The following FMN1 variants were observed in gnomAD, a reference collection of about 807,000 sequenced individuals.
The protein encoded by FMN1 is formin-1.
FMN1 carries 110 observed loss-of-function variants against 132.4 expected under a neutral mutation model. That is an observed-to-expected ratio of 0.83 (90% CI 0.71 to 0.97). The LOEUF is 0.97. FMN1 is among the 50% of genes least tolerant of loss of function. FMN1 has a pLI of 0.00. For missense variants in FMN1, 1,792 were observed against 1,705.3 expected, an observed-to-expected ratio of 1.05 and a Z score of -0.90; for synonymous variants, 722 against 651.7, an observed-to-expected ratio of 1.11 and a Z score of -1.64.
intron 3 of FMN1, among the ~76,000 whole-genome samples, chr15:33,158,385 T>G (rs540887400): frequency 4.0e-5 from 6 of 151,876 alleles, no homozygotes; most frequent in Non-Finnish European, 7.4e-5. Context: ...ATTATAACAT[T>G]GGATTTTATA....
At chr15:33,180,539 C>T (rs945129295) in intron 2 of FMN1, among the ~76,000 whole-genome samples, 1 of 152,092 alleles carries the variant, frequency 6.6e-6, no homozygotes, top group African/African-American at 2.4e-5. Context: ...GAAGAGTTTC[C>T]AGGATTCAGA....
chr15:32,859,313 G>A lies in FMN1; in HGVS notation c.3836-2206C>T, dbSNP rs150103377. On this transcript the variant is annotated intron_variant, in intron 16 of 20. Coordinates refer to ENST00000616417, the MANE Select transcript of FMN1 (RefSeq NM_001277313.2). ...AATTCAACTAAATTCAAACTTCGGG[G>A]ACTTGGATTATTTAAGGCCTTTTCC... is the stretch of plus-strand genomic sequence containing the variant. 2.9e-3 allele frequency among the ~76,000 whole-genome samples: 442 copies of A among 152,252 alleles called. 7 individuals are homozygous for A. The highest frequency in any genetic ancestry group is 3.4e-3 in the Middle Eastern group (1 of 294).
intron 6 of FMN1, among the ~76,000 whole-genome samples, chr15:33,048,821 T>C (rs61999969): frequency 0.14 from 20,980 of 151,876 alleles, 1,653 homozygotes; most frequent in Middle Eastern, 0.22. Context: ...CTTACTATTA[T>C]GAGAAGAGCA....
rs1457717978 is a variant in FMN1, at chr15:33,154,178, GTGTC to G, written c.733_736del (p.Asp245GlnfsTer98). The G allele has an allele frequency of 6.5e-7, 1 of 1,536,456 alleles. No individual in the cohort carries two copies. The highest frequency in any genetic ancestry group is 8.7e-7 in the Non-Finnish European group (1 of 1,146,996). Reference sequence around the variant, plus strand: ...CTCAAAGCTCCCAAAGCCAAGGTCTGTGTCTGGCGTCTTGGGAATATCTGGGGGG... The same window carrying G: ...CTCAAAGCTCCCAAAGCCAAGGTCTGTGGCGTCTTGGGAATATCTGGGGGG... On this transcript the variant is annotated frameshift_variant, in exon 4 of 21. Transcript: ENST00000616417. LOFTEE classifies it high-confidence loss of function.
At chr15:32,939,027 T>C (rs568032380) in intron 9 of FMN1, among the ~76,000 whole-genome samples, 2 of 152,344 alleles carry the variant, frequency 1.3e-5, no homozygotes, top group East Asian at 3.9e-4. Context: ...GACCTGTTAC[T>C]ACATCTCCAC....
rs1364006592 is a variant in FMN1, at chr15:32,769,314, C to A, written c.*4996G>T. On this transcript the variant is annotated 3_prime_UTR_variant, in exon 21 of 21. Coordinates refer to ENST00000616417, the MANE Select transcript of FMN1 (RefSeq NM_001277313.2). ...AAAACTCTCTTAAATTCATCACTTTCCAACAAAGCATTGATCTGGAAGTTC... is the reference window on the plus strand; with the variant it reads ...AAAACTCTCTTAAATTCATCACTTTACAACAAAGCATTGATCTGGAAGTTC... 1 of 152,184 alleles carries A rather than the reference C, an allele frequency of 6.6e-6. No individual in the cohort carries two copies. The highest frequency in any genetic ancestry group is 1.5e-5 in the Non-Finnish European group (1 of 68,034). 9.4% of individuals were successfully genotyped at this position (152,184 alleles called of 1,614,324 possible).
intron 4 of FMN1, among the ~76,000 whole-genome samples, chr15:33,127,816 T>A (rs1268020826): frequency 1.3e-5 from 2 of 152,212 alleles, no homozygotes; most frequent in East Asian, 3.8e-4. Flanking sequence ...AAGATCTCAT[T>A]CCTCAGTCTC....
intron 15 of FMN1, among the ~76,000 whole-genome samples, chr15:32,897,432 AGAG>A (rs1444390672): frequency 6.6e-6 from 1 of 152,158 alleles, no homozygotes; most frequent in African/African-American, 2.4e-5. Context: ...TTATTTCCAG[AGAG>A]GAGTAATGAG....
chr15:33,024,985 T>C (rs945017377), intron 6 of FMN1, among the ~76,000 whole-genome samples: 15 of 152,176 alleles, frequency 9.9e-5, no homozygotes, highest in African/African-American at 3.6e-4. Flanking sequence ...GTGGAAGCCA[T>C]TTTGTAGACT....
chr15:32,985,606 T>C (rs983120258), intron 7 of FMN1, among the ~76,000 whole-genome samples: 3 of 152,134 alleles, frequency 2.0e-5, no homozygotes, highest in Admixed American at 6.6e-5. Flanking sequence ...TGATAAAAAC[T>C]GATTTGTATG....
At chr15:32,793,398 G>A (rs771210315) in intron 19 of FMN1, among the ~76,000 whole-genome samples, 13 of 151,914 alleles carry the variant, frequency 8.6e-5, no homozygotes, top group Non-Finnish European at 1.6e-4. Flanking sequence ...TCCTGCCTCA[G>A]CCTCCCGAGT....
intron 6 of FMN1, among the ~76,000 whole-genome samples, chr15:33,023,762 TATAA>T (rs2035533978): frequency 6.6e-6 from 1 of 152,126 alleles, no homozygotes; most frequent in African/African-American, 2.4e-5. Context: ...AAAGGAAGCA[TATAA>T]ATAAAGCCAA....
chr15:32,841,728 G>A (rs142785356), intron 17 of FMN1, among the ~76,000 whole-genome samples: 1 of 152,324 alleles, frequency 6.6e-6, no homozygotes, highest in East Asian at 1.9e-4. Context: ...AACACAGAGA[G>A]TGATTCAGGA....
At chr15:32,900,306 A>C in intron 13 of FMN1, 181 bp from the exon 14 acceptor site, 10 of 716,098 alleles carry the variant, frequency 1.4e-5, no homozygotes. Flanking sequence ...AAACACATTA[A>C]CAGCCATTAT....
chr15:32,936,801 C>T (rs1255913534), intron 9 of FMN1, among the ~76,000 whole-genome samples: 2 of 152,114 alleles, frequency 1.3e-5, no homozygotes, highest in South Asian at 2.1e-4. Flanking sequence ...AAAAACAGTT[C>T]CTTGGACAAC....
At chr15:33,166,738 C>T (rs901993208) in intron 3 of FMN1, among the ~76,000 whole-genome samples, 4 of 152,124 alleles carry the variant, frequency 2.6e-5, no homozygotes, top group African/African-American at 7.2e-5. Flanking sequence ...CTTAATCCAG[C>T]GTTATTTCAC....
At chr15:33,054,665 T>C (rs569887404) in intron 6 of FMN1, among the ~76,000 whole-genome samples, 1 of 152,290 alleles carries the variant, frequency 6.6e-6, no homozygotes, top group Non-Finnish European at 1.5e-5. Flanking sequence ...CTAAACACTT[T>C]GCAAACATCA....
chr15:33,031,538 T>C (rs929992967), intron 6 of FMN1, among the ~76,000 whole-genome samples: 3 of 152,202 alleles, frequency 2.0e-5, no homozygotes, highest in African/African-American at 7.2e-5. Context: ...CATTAAACCT[T>C]TAGCAATATG....
At chr15:32,892,407 C>A (rs1441138046) in intron 15 of FMN1, among the ~76,000 whole-genome samples, 1 of 152,116 alleles carries the variant, frequency 6.6e-6, no homozygotes, top group Non-Finnish European at 1.5e-5. Flanking sequence ...TGGTATGAAA[C>A]CCACTTGATC....
Sources: gnomAD v4.1 joint callset for allele counts (sites outside exome capture counted in the v4.1 genomes callset) on GRCh38, gnomAD v4.1.1 for gene constraint, MANE v1.5 for transcripts, NCBI Gene and HGNC (gene_info 2026-07-23, HGNC 2026-07-21) for gene names.